Variants in SNX29 observed in about 807,000 individuals in gnomAD.
SNX29 encodes the protein sorting nexin-29.
In SNX29, 78 loss-of-function variants were observed where a neutral mutation model predicts 102.1. The ratio of observed to expected loss-of-function variants is 0.76; its 90% CI spans 0.64 to 0.92. The LOEUF (loss-of-function observed/expected upper bound fraction) is 0.92. Ranked by LOEUF, SNX29 falls within the 40% of genes least tolerant of loss-of-function variation. The pLI is 0.00. For synonymous variants in SNX29, 580 were observed against 414.5 expected (o/e 1.40, Z -4.85); for missense variants, 1,280 against 1,061.7 (o/e 1.21, Z -2.86).
intron 15 of SNX29, among the ~76,000 whole-genome samples, chr16:12,325,627 C>G (rs1459624010): frequency 2.0e-5 from 3 of 152,092 alleles, no homozygotes; most frequent in Non-Finnish European, 4.4e-5. Context: ...GCTGGTTCTT[C>G]TTATTTATTA....
intron 19 of SNX29, among the ~76,000 whole-genome samples, chr16:12,495,953 C>G (rs1298673470): frequency 3.3e-5 from 5 of 152,134 alleles, no homozygotes. Context: ...GAGGCTGAGG[C>G]AGTAGAATCT....
chr16:12,559,443 A>C (rs190384696), intron 20 of SNX29, among the ~76,000 whole-genome samples: 2 of 151,464 alleles, frequency 1.3e-5, no homozygotes, highest in East Asian at 3.9e-4. Flanking sequence ...AGGGCTCCCA[A>C]TGATTCTACA....
rs1249420541 is a variant in SNX29 at position 12,058,495 on chromosome 16, G to GTTTTTTTTTTTTTTTTT, written c.1125-3017_1125-3016insTTTTTTTTTTTTTTTTT. On this transcript the variant is annotated intron_variant, in intron 8 of 20. Transcript: ENST00000566228. Reference sequence around the variant, plus strand: ...CTGGTGTTTTTTTTTTTGGTTTTTGGTTTTTTTTTTTTTTTTGAGATGGAG... The same window carrying GTTTTTTTTTTTTTTTTT: ...CTGGTGTTTTTTTTTTTGGTTTTTGGTTTTTTTTTTTTTTTTTTTTTTTTTTTTTTTTTGAGATGGAG... Among the ~76,000 whole-genome samples the GTTTTTTTTTTTTTTTTT allele has an allele frequency of 9.4e-5, 10 of 106,508 alleles. 1 individual carries two copies. Among genetic ancestry groups the GTTTTTTTTTTTTTTTTT allele is most frequent in the East Asian group, 2.5e-4 (1 of 3,974 alleles). 69.9% of individuals were successfully genotyped at this position (106,508 alleles called of 152,430 possible). A position where few individuals can be genotyped will look rare whatever the true frequency, so the allele number is the denominator to read the frequency against.
intron 14 of SNX29, among the ~76,000 whole-genome samples, chr16:12,240,907 T>C (rs1033095343): frequency 2.0e-5 from 3 of 152,144 alleles, no homozygotes; most frequent in African/African-American, 7.2e-5. Flanking sequence ...CACCTTGCCA[T>C]CTTTGTCATT....
In SNX29 at chr16:11,992,975, A is replaced by C. The variant is rs560608496; in HGVS notation, c.8-6322A>C. ...TCAGGAGTTCGAGACCAGCCTGACC[A>C]ACATGGCGAAACCCCATCTCTACTA... On this transcript the variant is annotated intron_variant, in intron 1 of 20. Transcript: ENST00000566228. Among the ~76,000 whole-genome samples, 9 of 152,250 alleles carry C rather than the reference A, an allele frequency of 5.9e-5. No homozygotes were observed. In the South Asian group the frequency reaches 1.9e-3, roughly 32 times the overall value.
chr16:12,518,596 T>C lies in SNX29; in HGVS notation c.2179-6106T>C, dbSNP rs1478776209. ...AACGTAGATATTCCTCCCTGCGAGG[T>C]TCCCTGAGCACCTGTGGGTTCCATC... is the stretch of plus-strand genomic sequence containing the variant. On this transcript the variant is annotated intron_variant, in intron 19 of 20. Transcript: ENST00000566228. Among the ~76,000 whole-genome samples, 6 of 152,194 alleles carry C rather than the reference T, an allele frequency of 3.9e-5. No individual in the cohort carries two copies. The East Asian group carries it at 1.2e-3, about 29-fold the overall frequency.
At chr16:12,449,293 T>G (rs1410758044) in intron 18 of SNX29, among the ~76,000 whole-genome samples, 1 of 151,810 alleles carries the variant, frequency 6.6e-6, no homozygotes, top group East Asian at 1.9e-4. Flanking sequence ...AGGCAAGCCC[T>G]CCAAGATAAG....
intron 11 of SNX29, among the ~76,000 whole-genome samples, chr16:12,079,842 C>T (rs73517804): frequency 2.0e-5 from 3 of 152,090 alleles, no homozygotes; most frequent in South Asian, 4.1e-4. Context: ...TCATTCCAGG[C>T]GGCAGGAAGG....
rs542932605 is a variant in SNX29 at position 12,324,149 on chromosome 16, C to T, written c.1783-32014C>T. On this transcript the variant is annotated intron_variant, in intron 15 of 20. Coordinates refer to ENST00000566228, the MANE Select transcript of SNX29 (RefSeq NM_032167.5). ...ACATGAGACTGGGACCTGTTCTAGG[C>T]ATTTTTGGGGGTCATTCCATGGGCT... 2.7e-4 allele frequency among the ~76,000 whole-genome samples: 41 copies of T among 152,018 alleles called. No individual in the cohort carries two copies. In the South Asian group the frequency reaches 8.1e-3, roughly 30 times the overall value.
At chr16:12,512,312 G>T (rs1349836794) in intron 19 of SNX29, among the ~76,000 whole-genome samples, 1 of 140,416 alleles carries the variant, frequency 7.1e-6, no homozygotes, top group East Asian at 2.1e-4. Context: ...TGAGTGCTCT[G>T]CAGGGAGCTT....
At chr16:12,480,615 CAT>C (rs2087861272) in intron 19 of SNX29, among the ~76,000 whole-genome samples, 1 of 152,328 alleles carries the variant, frequency 6.6e-6, no homozygotes, top group South Asian at 2.1e-4. Flanking sequence ...GCGCCCACCA[CAT>C]GTTAGACATT....
chr16:12,240,545 C>T (rs1378743257), intron 14 of SNX29, among the ~76,000 whole-genome samples: 1 of 134,516 alleles, frequency 7.4e-6, no homozygotes, highest in Non-Finnish European at 1.6e-5. Context: ...TTTGATGCGG[C>T]TGTGCTTCTT....
chr16:12,192,729 A>C (rs528159335), intron 13 of SNX29, among the ~76,000 whole-genome samples: 11 of 152,064 alleles, frequency 7.2e-5, no homozygotes, highest in African/African-American at 2.7e-4. Flanking sequence ...TATTGAGACA[A>C]GGTCTCACTT....
At chr16:12,218,991 G>C (rs1275675978) in intron 14 of SNX29, among the ~76,000 whole-genome samples, 2 of 152,086 alleles carry the variant, frequency 1.3e-5, no homozygotes, top group African/African-American at 4.8e-5. Flanking sequence ...AGCCAGGTTG[G>C]TCTCGATCTC....
intron 15 of SNX29, among the ~76,000 whole-genome samples, chr16:12,330,399 A>C (rs1464412888): frequency 6.6e-6 from 1 of 152,162 alleles, no homozygotes; most frequent in African/African-American, 2.4e-5. Flanking sequence ...CCCAGGAGGC[A>C]GAGGTTGCAG....
intron 15 of SNX29, among the ~76,000 whole-genome samples, chr16:12,288,125 C>G (rs8057983): frequency 0.032 from 4,818 of 152,156 alleles, 247 homozygotes; most frequent in African/African-American, 0.11. Context: ...AAGGTCAAGG[C>G]TGCAGTGAGC....
At chr16:12,487,980 A>G (rs1290481240) in intron 19 of SNX29, among the ~76,000 whole-genome samples, 1 of 152,176 alleles carries the variant, frequency 6.6e-6, no homozygotes, top group African/African-American at 2.4e-5. Context: ...AGCAACCACT[A>G]ACGTCATCTT....
At chr16:12,013,302 C>T (rs2056716198) in intron 3 of SNX29, among the ~76,000 whole-genome samples, 1 of 150,552 alleles carries the variant, frequency 6.6e-6, no homozygotes, top group South Asian at 2.1e-4. Context: ...CAGTGAGCTG[C>T]CTACTTTTCA....
chr16:12,015,707 T>C (rs1240841669), intron 3 of SNX29, among the ~76,000 whole-genome samples: 1 of 147,720 alleles, frequency 6.8e-6, no homozygotes, highest in East Asian at 2.0e-4. Context: ...GGCTAACTTT[T>C]TGTATTTTTA....
Sources: allele counts gnomAD v4.1 joint callset (sites outside exome capture counted in the v4.1 genomes callset), GRCh38; gene constraint gnomAD v4.1.1; transcripts MANE v1.5; gene names NCBI Gene and HGNC (gene_info 2026-07-23, HGNC 2026-07-21).